The following EIF5B variants were observed in gnomAD, a reference collection of about 807,000 sequenced individuals.
EIF5B encodes eIF-5B.
Under a neutral mutation model 147.5 loss-of-function variants are expected in EIF5B, and 47 were observed. The ratio of observed to expected loss-of-function variants is 0.32; its 90% CI spans 0.25 to 0.41. The LOEUF is 0.41. Among genes scored for constraint, EIF5B ranks in the 10% least tolerant of loss-of-function variants. EIF5B has a pLI of 1.00. For missense variants in EIF5B, 1,064 were observed against 1,413.2 expected (o/e 0.75, Z 3.96); for synonymous variants, 455 against 456.2 (o/e 1.00, Z 0.03).
In EIF5B at chr2:99,379,183, TA is replaced by T. The variant is rs999011933; in HGVS notation, c.1950+66del. On this transcript the variant is annotated intron_variant, in intron 11 of 23. Transcript: ENST00000289371. ...TTGAAAATAAGTGAATGGTACCTTATAAAAAAAAACTTTAGAGACCAATAGG... is the reference window on the plus strand; with the variant it reads ...TTGAAAATAAGTGAATGGTACCTTATAAAAAAAACTTTAGAGACCAATAGG... 1.5e-4 allele frequency: 218 copies of T among 1,465,156 alleles called. 1 individual carries two copies. Among genetic ancestry groups the T allele is most frequent in the Middle Eastern group, 8.9e-4 (5 of 5,620 alleles). The allele number at this position is 1,465,156 out of a possible 1,614,324, so 90.8% of individuals were successfully genotyped here.
chr2:99,393,209 T>C (rs1674971619), intron 18 of EIF5B, 111 bp downstream of exon 18: 1 of 956,866 alleles, frequency 1.0e-6, no homozygotes, highest in Non-Finnish European at 1.4e-6. Context: ...TTGTGAAGCC[T>C]GCCATTTCTT....
In EIF5B at chr2:99,382,206, T is replaced by C; in HGVS notation, c.2109T>C (p.Thr703=). 6.2e-7 allele frequency: 1 copy of C among 1,613,270 alleles called. No individual in the cohort carries two copies. The highest frequency in any genetic ancestry group is 8.5e-7 in the Non-Finnish European group (1 of 1,179,544). ...VRIPGMLIID[T]PGHESFSNLR... ...TTCCAGGAATGCTAATTATTGATAC[T>C]CCTGGGCATGAATCTTTCAGGTAAG... Residue 703 remains threonine, a synonymous_variant, in exon 13 of 24, where the codon ACT becomes ACC. Coordinates refer to ENST00000289371, the MANE Select transcript of EIF5B (RefSeq NM_015904.4).
intron 12 of EIF5B, 21 bp downstream of exon 12, chr2:99,379,449 G>A (rs763020545): frequency 2.0e-5 from 32 of 1,566,556 alleles, no homozygotes; most frequent in Non-Finnish European, 2.8e-5. Context: ...TGTATTTCAT[G>A]TATTTTAATC....
intron 14 of EIF5B, among the ~76,000 whole-genome samples, chr2:99,387,997 A>T (rs1478330965): frequency 6.6e-6 from 1 of 152,106 alleles, no homozygotes; most frequent in Non-Finnish European, 1.5e-5. Context: ...TTCTCTTGGC[A>T]ATATTTTGTA....
At chr2:99,354,527 T>A (rs1674050357) in intron 1 of EIF5B, among the ~76,000 whole-genome samples, 1 of 152,224 alleles carries the variant, frequency 6.6e-6, no homozygotes, top group African/African-American at 2.4e-5. Flanking sequence ...TTTTGATGAG[T>A]TCCACTTCTT....
chr2:99,382,658 T>C (rs1196095543), intron 13 of EIF5B, 122 bp from the exon 14 acceptor site: 62 of 989,026 alleles, frequency 6.3e-5, no homozygotes, highest in Admixed American at 9.9e-5. Context: ...GGGCTAATAG[T>C]ACTTGAACAA....
chr2:99,343,820 TA>T (rs537272353), intron 1 of EIF5B, among the ~76,000 whole-genome samples: 39 of 145,984 alleles, frequency 2.7e-4, no homozygotes, highest in Admixed American at 2.7e-4. Context: ...TCTCTAAAAA[TA>T]AAAAAAAAAC....
chr2:99,368,340 C>T (rs897663601), intron 6 of EIF5B, among the ~76,000 whole-genome samples, 153 bp from the exon 7 acceptor site: 1 of 151,890 alleles, frequency 6.6e-6, no homozygotes, highest in African/African-American at 2.4e-5. Context: ...TTTAAAATAC[C>T]TTATATGTAA....
At chr2:99,383,942 C>T (rs1674744193) in intron 14 of EIF5B, among the ~76,000 whole-genome samples, 1 of 152,104 alleles carries the variant, frequency 6.6e-6, no homozygotes, top group Admixed American at 6.5e-5. Flanking sequence ...AATCCTAGGG[C>T]CCTTAAGAAT....
At chr2:99,382,740 A>C in intron 13 of EIF5B, 40 bp from the exon 14 acceptor site, 1 of 1,546,108 alleles carries the variant, frequency 6.5e-7, no homozygotes. Context: ...TATTAATTTC[A>C]AGATTTTCTA....
At chr2:99,378,939 C>A in intron 10 of EIF5B, 80 bp from the exon 11 acceptor site, 2 of 1,162,732 alleles carry the variant, frequency 1.7e-6, no homozygotes, top group South Asian at 2.0e-5. Context: ...CATTCTTTTG[C>A]CAAGGCAAAA....
At chr2:99,399,200 T>G (rs1675142573) in intron 23 of EIF5B, 107 bp from the exon 24 acceptor site, 1 of 1,100,868 alleles carries the variant, frequency 9.1e-7, no homozygotes, top group South Asian at 1.5e-5. Flanking sequence ...TGTTTTTTAT[T>G]TCTGCTTAAG....
intron 14 of EIF5B, among the ~76,000 whole-genome samples, chr2:99,388,405 T>C (rs911940970): frequency 2.0e-5 from 3 of 149,142 alleles, no homozygotes; most frequent in Admixed American, 6.8e-5. Flanking sequence ...CCCTTAAGTA[T>C]GATGTCAGCT....
chr2:99,361,302 A>G lies in EIF5B; in HGVS notation c.401A>G (p.Tyr134Cys), dbSNP rs748403386. 2 of 1,609,308 alleles carry G rather than the reference A, an allele frequency of 1.2e-6. No homozygotes were observed. The highest frequency in any genetic ancestry group is 2.2e-5 in the South Asian group (2 of 89,096). ...ACTGCAAAACCGAAAGTGGAAATGT[A>G]CTCTGGGAGTGATGATGATGATGAT... Reference protein sequence around the residue: ...KKTAKPKVEMYSGSDDDDDFN... With the variant: ...KKTAKPKVEMCSGSDDDDDFN... The change falls in exon 4 of 24, where the codon TAC (tyrosine) becomes TGC (cysteine). Residue 134 changes from tyrosine to cysteine, a missense_variant. Tyr to Cys is a radical substitution (Grantham distance 194). Around this residue, in one of 4 missense-constraint regions of EIF5B, gnomAD observed 458 missense variants for 451.3 expected, o/e 1.01. Coordinates refer to ENST00000289371, the MANE Select transcript of EIF5B (RefSeq NM_015904.4).
intron 1 of EIF5B, among the ~76,000 whole-genome samples, chr2:99,353,994 C>T (rs917368263): frequency 6.6e-6 from 1 of 152,212 alleles, no homozygotes; most frequent in Non-Finnish European, 1.5e-5. Context: ...CTATGAACTT[C>T]TGTCTACAGA....
chr2:99,394,765 C>T lies in EIF5B; in HGVS notation c.3136C>T (p.Gln1046Ter), dbSNP rs1193803792. 1 of 1,612,838 alleles carries T rather than the reference C, an allele frequency of 6.2e-7. No homozygotes were observed. The highest frequency in any genetic ancestry group is 8.5e-7 in the Non-Finnish European group (1 of 1,179,782). The change falls in exon 21 of 24, where the codon CAA becomes TAA. Residue 1046 changes from glutamine to a stop codon, truncating the protein, a stop_gained. Coordinates refer to ENST00000289371, the MANE Select transcript of EIF5B (RefSeq NM_015904.4). LOFTEE classifies it high-confidence loss of function. ...AFDVRIERDA[Q>*]EMADSLGVRI... Reference sequence around the variant, plus strand: ...CGATGTGAGAATTGAACGAGATGCACAAGAAATGGCTGATAGTTTAGGAGT... The same window carrying T: ...CGATGTGAGAATTGAACGAGATGCATAAGAAATGGCTGATAGTTTAGGAGT...
chr2:99,346,730 C>T lies in EIF5B; in HGVS notation c.35+9141C>T, dbSNP rs895925210. ...GCACTACAGGCACCCGCCACCACGCCCAGATAATTTTTTGTATTTTTAGTA... is the reference window on the plus strand; with the variant it reads ...GCACTACAGGCACCCGCCACCACGCTCAGATAATTTTTTGTATTTTTAGTA... On this transcript the variant is annotated intron_variant, in intron 1 of 23. Transcript: ENST00000289371. 2.6e-5 allele frequency among the ~76,000 whole-genome samples: 4 copies of T among 151,446 alleles called. No homozygotes were observed. In the Middle Eastern group the frequency reaches 0.014, roughly 519 times the overall value.
chr2:99,337,960 G>A (rs974680387), intron 1 of EIF5B, among the ~76,000 whole-genome samples: 20 of 152,370 alleles, frequency 1.3e-4, no homozygotes, highest in African/African-American at 4.6e-4. Flanking sequence ...TTCTTTTTAT[G>A]CCTCTTATAC....
intron 9 of EIF5B, among the ~76,000 whole-genome samples, chr2:99,375,167 T>A (rs1277241001): frequency 6.6e-6 from 1 of 152,256 alleles, no homozygotes; most frequent in Admixed American, 6.5e-5. Flanking sequence ...ATGACTTTAT[T>A]AAAGTCCTTT....
Sources: gnomAD v4.1 joint callset for allele counts (sites outside exome capture counted in the v4.1 genomes callset) on GRCh38, gnomAD v4.1.1 for gene constraint, gnomAD v4.1.1 regional missense constraint, MANE v1.5 for transcripts, NCBI Gene and HGNC (gene_info 2026-07-23, HGNC 2026-07-21) for gene names.